Variants in SLC66A2 observed in about 807,000 individuals in gnomAD.
The protein encoded by SLC66A2 is PQ loop repeat containing 1.
A neutral mutation model predicts 25.5 loss-of-function variants in SLC66A2; 23 were observed. That is an observed-to-expected ratio of 0.90 (90% CI 0.65 to 1.28). The LOEUF (loss-of-function observed/expected upper bound fraction) is 1.28, where lower values mean the gene tolerates loss of function less well. SLC66A2 is among the 50% of genes most tolerant of loss of function. SLC66A2 has a pLI of 0.00. For synonymous variants in SLC66A2, 193 were observed against 166.5 expected (o/e 1.16, Z -1.23); for missense variants, 396 against 373.1 (o/e 1.06, Z -0.51).
intron 5 of SLC66A2, among the ~76,000 whole-genome samples, chr18:79,908,015 C>T (rs924147128): frequency 6.6e-6 from 1 of 152,060 alleles, no homozygotes; most frequent in Non-Finnish European, 1.5e-5. Context: ...CTATCGTCTC[C>T]CTCTTTTACA....
chr18:79,910,935 C>T (rs922568962), intron 5 of SLC66A2, among the ~76,000 whole-genome samples: 1 of 152,272 alleles, frequency 6.6e-6, no homozygotes, highest in Non-Finnish European at 1.5e-5. Flanking sequence ...TTAGCTCCCA[C>T]TGTAAAATCA....
At chr18:79,908,317 A>G (rs1050243226) in intron 5 of SLC66A2, among the ~76,000 whole-genome samples, 1 of 138,642 alleles carries the variant, frequency 7.2e-6, no homozygotes, top group Non-Finnish European at 1.6e-5. Flanking sequence ...TTCCTAAAGG[A>G]ATTTTTTTTT....
Position 79,937,447 on chromosome 18 carries a change from C to T in SLC66A2, c.338-3425G>A, listed in dbSNP as rs748108311. On this transcript the variant is annotated intron_variant, in intron 3 of 5. Transcript: ENST00000397778. The surrounding 1 kb of genome is among the most constrained non-coding windows in gnomAD (Gnocchi z 5.4). Reference sequence around the variant, plus strand: ...GTTCAGAATGACTCAGAAACATGCACTCATCATTGCAAGATGCTAGGGAAC... The same window carrying T: ...GTTCAGAATGACTCAGAAACATGCATTCATCATTGCAAGATGCTAGGGAAC... Among the ~76,000 whole-genome samples the T allele has an allele frequency of 4.9e-4, 74 of 152,198 alleles. No homozygotes were observed. Among genetic ancestry groups the T allele is most frequent in the Non-Finnish European group, 8.1e-4 (55 of 68,042 alleles).
At chr18:79,906,721 C>G (rs970786513) in intron 5 of SLC66A2, among the ~76,000 whole-genome samples, 2 of 152,214 alleles carry the variant, frequency 1.3e-5, no homozygotes, top group Admixed American at 1.3e-4. Flanking sequence ...TTTTCTACAT[C>G]CTTGCTAACT....
intron 3 of SLC66A2, chr18:79,935,224 G>A (rs1986962365): frequency 6.6e-6 from 1 of 152,342 alleles, no homozygotes. Context: ...GCAATGGTGG[G>A]AGGCAGCCAG....
At chr18:79,914,138 T>C (rs545227199) in intron 5 of SLC66A2, among the ~76,000 whole-genome samples, 19 of 152,302 alleles carry the variant, frequency 1.2e-4, no homozygotes, top group African/African-American at 4.6e-4. Context: ...ACTCCTAACC[T>C]TGTGATCCAC....
intron 5 of SLC66A2, among the ~76,000 whole-genome samples, chr18:79,907,240 G>A (rs551639182): frequency 1.3e-4 from 20 of 150,482 alleles, no homozygotes; most frequent in African/African-American, 3.9e-4. Context: ...TTGTCCCTAC[G>A]GTTTTATTCC....
Position 79,941,259 on chromosome 18 carries a change from G to A in SLC66A2, c.337+2070C>T, listed in dbSNP as rs1191945067. On this transcript the variant is annotated intron_variant, in intron 3 of 5. Coordinates refer to ENST00000397778, the MANE Select transcript of SLC66A2 (RefSeq NM_025078.5). This position sits in a 1 kb window ranked among gnomAD's most constrained non-coding sequence, Gnocchi z 4.1. ...ACGGCCGACCCATGGCAGAGAGCCA[G>A]GCCCTCAGCTCCAGCACCTGACCAT... Among the ~76,000 whole-genome samples, 1 of 152,174 alleles carries A rather than the reference G, an allele frequency of 6.6e-6. No homozygotes were observed. The highest frequency in any genetic ancestry group is 2.4e-5 in the African/African-American group (1 of 41,438).
At position 79,903,662 on chromosome 18, in the gene SLC66A2, A is replaced by C. The variant is rs1302955517; in HGVS notation, c.*314T>G. On this transcript the variant is annotated 3_prime_UTR_variant, in exon 6 of 6. Coordinates refer to ENST00000397778, the MANE Select transcript of SLC66A2 (RefSeq NM_025078.5). Reference sequence around the variant, plus strand: ...TGGAGCAGGTTCCTGCAGGCCGCCCAATGTGTACCTTGGGCTCAGACGGTG... The same window carrying C: ...TGGAGCAGGTTCCTGCAGGCCGCCCCATGTGTACCTTGGGCTCAGACGGTG... 2.6e-6 allele frequency: 1 copy of C among 385,194 alleles called. No individual in the cohort carries two copies. The highest frequency in any genetic ancestry group is 5.6e-5 in the East Asian group (1 of 17,748). 23.9% of individuals were successfully genotyped at this position (385,194 alleles called of 1,614,324 possible). A position where few individuals can be genotyped will look rare whatever the true frequency, so the allele number is the denominator to read the frequency against.
At chr18:79,912,500 G>A (rs565751309) in intron 5 of SLC66A2, among the ~76,000 whole-genome samples, 14 of 151,462 alleles carry the variant, frequency 9.2e-5, no homozygotes, top group Admixed American at 3.9e-4. Context: ...GTCACATATC[G>A]CCAGGCCACG....
In SLC66A2 at chr18:79,903,741, T is replaced by C. The variant is rs377134315; in HGVS notation, c.*235A>G. Reference sequence around the variant, plus strand: ...TGCTTTTTATGTCATCCTAAAAACATCCAAAACCCTCGGGGCCAGATCAAC... The same window carrying C: ...TGCTTTTTATGTCATCCTAAAAACACCCAAAACCCTCGGGGCCAGATCAAC... On this transcript the variant is annotated 3_prime_UTR_variant, in exon 6 of 6. Transcript: ENST00000397778. The C allele has an allele frequency of 1.9e-6, 1 of 523,562 alleles. No individual in the cohort carries two copies. 32.4% of individuals were successfully genotyped at this position (523,562 alleles called of 1,614,324 possible). A position where few individuals can be genotyped will look rare whatever the true frequency, so the allele number is the denominator to read the frequency against.
At chr18:79,949,017 C>A (rs116473316) in intron 2 of SLC66A2, among the ~76,000 whole-genome samples, 1 of 152,176 alleles carries the variant, frequency 6.6e-6, no homozygotes, top group African/African-American at 2.4e-5. Flanking sequence ...AATGAGCACC[C>A]CTGAACCTCC....
At chr18:79,923,393 G>A (rs1599574371) in intron 4 of SLC66A2, among the ~76,000 whole-genome samples, 1 of 152,062 alleles carries the variant, frequency 6.6e-6, no homozygotes, top group African/African-American at 2.4e-5. Flanking sequence ...TGTGCACGGT[G>A]GGCTGCGGAC....
chr18:79,949,177 T>G lies in SLC66A2; in HGVS notation c.203+1547A>C, dbSNP rs1000468546. Among the ~76,000 whole-genome samples, 4 of 152,118 alleles carry G rather than the reference T, an allele frequency of 2.6e-5. No individual in the cohort carries two copies. In the East Asian group the frequency reaches 7.7e-4, roughly 29 times the overall value. On this transcript the variant is annotated intron_variant, in intron 2 of 5. Coordinates refer to ENST00000397778, the MANE Select transcript of SLC66A2 (RefSeq NM_025078.5). Reference sequence around the variant, plus strand: ...ACCCACTCGCTCACCTAAAAATCCCTGGCAGGGGCAAAACTAACACCCAGG... The same window carrying G: ...ACCCACTCGCTCACCTAAAAATCCCGGGCAGGGGCAAAACTAACACCCAGG...
At position 79,904,105 on chromosome 18, in the gene SLC66A2, C is replaced by T. The variant is rs747940554; in HGVS notation, c.687G>A (p.Gln229=). ...AYFLLKGAPL[Q]FSVCGLLQVL... is the part of the protein sequence containing the mutation. ...CCTGCAGCAGGCCGCACACGGAGAA[C>T]TGCAGAGGGGCACCCTTCAGCAGGA... The change falls in exon 6 of 6, where the codon CAG becomes CAA. Residue 229 remains glutamine, a synonymous_variant. Transcript: ENST00000397778. This position sits in a 1 kb window ranked among gnomAD's most constrained non-coding sequence, Gnocchi z 6.3. 1.7e-5 allele frequency: 28 copies of T among 1,612,872 alleles called. No homozygotes were observed. The South Asian group carries it at 2.3e-4, about 13-fold the overall frequency.
In SLC66A2 at chr18:79,919,217, C is replaced by T. The variant is rs760068053; in HGVS notation, c.575G>A (p.Arg192His). 56 of 1,613,114 alleles carry T rather than the reference C, an allele frequency of 3.5e-5. No individual in the cohort carries two copies. The highest frequency in any genetic ancestry group is 4.6e-5 in the Non-Finnish European group (54 of 1,180,000). Residue 192 changes from arginine to histidine, a missense_variant, in exon 5 of 6, where the codon CGC becomes CAC. Coordinates refer to ENST00000397778, the MANE Select transcript of SLC66A2 (RefSeq NM_025078.5). ...EAMLGVPQLY[R>H]NHRHQSTEGM... ...CTCCGTGGACTGGTGGCGGTGGTTG[C>T]GGTAAAGCTGGGGCACACCCAGCAT...
chr18:79,936,763 C>T (rs895385751), intron 3 of SLC66A2, among the ~76,000 whole-genome samples: 8 of 152,206 alleles, frequency 5.3e-5, no homozygotes, highest in Admixed American at 3.3e-4. Flanking sequence ...TGACAAGGTG[C>T]GTTTGTTTCC....
chr18:79,927,016 T>C lies in SLC66A2; in HGVS notation c.391+6953A>G, dbSNP rs1270277883. On this transcript the variant is annotated intron_variant, in intron 4 of 5. Coordinates refer to ENST00000397778, the MANE Select transcript of SLC66A2 (RefSeq NM_025078.5). This position sits in a 1 kb window ranked among gnomAD's most constrained non-coding sequence, Gnocchi z 6.2. ...TATTTTTAAAAATACAAATCGACTC[T>C]CCAGGAAAAAACAAAAAAACGAAAA... Among the ~76,000 whole-genome samples, 1 of 152,138 alleles carries C rather than the reference T, an allele frequency of 6.6e-6. No homozygotes were observed. The highest frequency in any genetic ancestry group is 1.5e-5 in the Non-Finnish European group (1 of 68,020).
chr18:79,938,771 G>A (rs1051828622), intron 3 of SLC66A2, among the ~76,000 whole-genome samples: 1 of 152,186 alleles, frequency 6.6e-6, no homozygotes, highest in African/African-American at 2.4e-5. Flanking sequence ...CCACCTCCAG[G>A]GTTCAAGTGA....
Sources: allele counts gnomAD v4.1 joint callset (sites outside exome capture counted in the v4.1 genomes callset), GRCh38; gene constraint gnomAD v4.1.1; non-coding constraint Gnocchi (gnomAD v3.1); transcripts MANE v1.5; gene names NCBI Gene and HGNC (gene_info 2026-07-23, HGNC 2026-07-21).